NSG2: variants seen among roughly 807,000 people sequenced by gnomAD.
The protein encoded by NSG2 is neuronal vesicle trafficking associated 2.
Under a neutral mutation model 16.9 loss-of-function variants are expected in NSG2, and 4 were observed. The ratio of observed to expected loss-of-function variants is 0.24; its 90% CI spans 0.12 to 0.54. NSG2 has a LOEUF of 0.54. Ranked by LOEUF, NSG2 falls within the 20% of genes least tolerant of loss-of-function variation. NSG2 has a pLI of 0.95. For synonymous variants in NSG2, 98 were observed against 88.7 expected, an observed-to-expected ratio of 1.11 and a Z score of -0.59; for missense variants, 179 against 221.1, an observed-to-expected ratio of 0.81 and a Z score of 1.21.
intron 3 of NSG2, among the ~76,000 whole-genome samples, chr5:174,096,690 T>A (rs1760798738): frequency 6.6e-6 from 1 of 150,966 alleles, no homozygotes; most frequent in African/African-American, 2.4e-5. Flanking sequence ...GAGGTGATGG[T>A]GGTCTGGCCA....
In NSG2 at chr5:174,108,758, G is replaced by C. The variant is rs1445778807; in HGVS notation, c.*1253G>C. ...TGTTTCAGGGAGGCCAGTTCTGCAG[G>C]GTGTCAGCTCCAGGACCCACAGGGC... On this transcript the variant is annotated 3_prime_UTR_variant, in exon 5 of 5. Coordinates refer to ENST00000303177, the MANE Select transcript of NSG2 (RefSeq NM_015980.5). 2 of 152,522 alleles carry C rather than the reference G, an allele frequency of 1.3e-5. No homozygotes were observed. The highest frequency in any genetic ancestry group is 4.8e-5 in the African/African-American group (2 of 41,454). The allele number at this position is 152,522 out of a possible 1,614,324, so 9.4% of individuals were successfully genotyped here. A position where few individuals can be genotyped will look rare whatever the true frequency, so the allele number is the denominator to read the frequency against.
In NSG2 at chr5:174,072,203, C is replaced by T. The variant is rs970612669; in HGVS notation, c.213+7888C>T. Among the ~76,000 whole-genome samples, 4 of 152,194 alleles carry T rather than the reference C, an allele frequency of 2.6e-5. No individual in the cohort carries two copies. Among genetic ancestry groups the T allele is most frequent in the African/African-American group, 7.2e-5 (3 of 41,454 alleles). Reference sequence around the variant, plus strand: ...CCCAGCCCTCTCCCTGATCCCTGGCCCCTTTCCTCAGCAGCCCCAGTCCTT... The same window carrying T: ...CCCAGCCCTCTCCCTGATCCCTGGCTCCTTTCCTCAGCAGCCCCAGTCCTT... On this transcript the variant is annotated intron_variant, in intron 3 of 4. Transcript: ENST00000303177. The surrounding 1 kb of genome is among the most constrained non-coding windows in gnomAD (Gnocchi z 4.0).
At chr5:174,068,004 A>C (rs997040856) in intron 3 of NSG2, among the ~76,000 whole-genome samples, 1 of 152,152 alleles carries the variant, frequency 6.6e-6, no homozygotes, top group African/African-American at 2.4e-5. Flanking sequence ...TTTGGAGCTC[A>C]GGATGGAGAT....
At position 174,103,130 on chromosome 5, in the gene NSG2, G is replaced by A. The variant is rs112032643; in HGVS notation, c.214-1098G>A. On this transcript the variant is annotated intron_variant, in intron 3 of 4. Coordinates refer to ENST00000303177, the MANE Select transcript of NSG2 (RefSeq NM_015980.5). ...TTTTACAAAGCTCTCTCTGGTTGCT[G>A]TGTGCTGAATACACCCTAGAGGACA... is the stretch of plus-strand genomic sequence containing the variant. 7.5e-3 allele frequency among the ~76,000 whole-genome samples: 1,142 copies of A among 151,934 alleles called. 12 individuals carry two copies. Among genetic ancestry groups the A allele is most frequent in the African/African-American group, 0.026 (1,081 of 41,400 alleles).
chr5:174,050,582 G>A (rs1463554218), intron 2 of NSG2, among the ~76,000 whole-genome samples: 1 of 152,150 alleles, frequency 6.6e-6, no homozygotes, highest in Admixed American at 6.5e-5. Flanking sequence ...TGTACTTGAT[G>A]TTCCAACTTT....
At chr5:174,097,515 G>T (rs1234227199) in intron 3 of NSG2, among the ~76,000 whole-genome samples, 1 of 151,138 alleles carries the variant, frequency 6.6e-6, no homozygotes, top group East Asian at 2.0e-4. Flanking sequence ...CAGTGTGTGT[G>T]TCTCTGTATG....
At chr5:174,100,685 T>C (rs536391851) in intron 3 of NSG2, among the ~76,000 whole-genome samples, 18 of 152,336 alleles carry the variant, frequency 1.2e-4, no homozygotes, top group African/African-American at 4.3e-4. Flanking sequence ...CTAGCCCTGG[T>C]GGTGCTTTGG....
chr5:174,102,788 T>C (rs1163763219), intron 3 of NSG2, among the ~76,000 whole-genome samples: 17 of 150,304 alleles, frequency 1.1e-4, no homozygotes, highest in Admixed American at 1.1e-3. Flanking sequence ...ATTTATTTAT[T>C]TATTTATTTA....
At chr5:174,092,435 C>T (rs1047006231) in intron 3 of NSG2, among the ~76,000 whole-genome samples, 21 of 152,174 alleles carry the variant, frequency 1.4e-4, no homozygotes, top group Admixed American at 1.2e-3. Context: ...GGCCCTTGGG[C>T]CCTGGGGAAG....
At chr5:174,106,835 TGCCTGCCTCA>T (rs1760991215) in intron 4 of NSG2, among the ~76,000 whole-genome samples, 1 of 152,076 alleles carries the variant, frequency 6.6e-6, no homozygotes, top group Non-Finnish European at 1.5e-5. Context: ...CCTCATGATC[TGCCTGCCTCA>T]GCCTCCCAAA....
rs145640254 is a variant in NSG2 at position 174,064,052 on chromosome 5, T to C, written c.130-180T>C. Reference sequence around the variant, plus strand: ...TAATCAAAGTTGTTACCTAGGGTTGTCTCTGTTGGAATGGGGAAGTATTAT... The same window carrying C: ...TAATCAAAGTTGTTACCTAGGGTTGCCTCTGTTGGAATGGGGAAGTATTAT... On this transcript the variant is annotated intron_variant, in intron 2 of 4. Transcript: ENST00000303177. Among the ~76,000 whole-genome samples, 98 of 152,352 alleles carry C rather than the reference T, an allele frequency of 6.4e-4. No individual in the cohort carries two copies. The East Asian group carries it at 0.018, about 27-fold the overall frequency.
At chr5:174,087,437 C>G (rs1445197214) in intron 3 of NSG2, among the ~76,000 whole-genome samples, 4 of 152,008 alleles carry the variant, frequency 2.6e-5, no homozygotes, top group Non-Finnish European at 5.9e-5. Context: ...ATGTATAAAA[C>G]AGGAAAAATG....
chr5:174,069,625 TC>T (rs1360643245), intron 3 of NSG2, among the ~76,000 whole-genome samples: 1 of 152,198 alleles, frequency 6.6e-6, no homozygotes, highest in Non-Finnish European at 1.5e-5. Context: ...ATTATCATTT[TC>T]TTTCTTTCCT....
intron 3 of NSG2, among the ~76,000 whole-genome samples, chr5:174,090,743 T>A (rs1561673189): frequency 6.6e-6 from 1 of 152,122 alleles, no homozygotes; most frequent in East Asian, 1.9e-4. Flanking sequence ...AGAGATTCCT[T>A]CCTCCTCATG....
chr5:174,047,306 A>G (rs973582260), intron 2 of NSG2, among the ~76,000 whole-genome samples: 4 of 152,230 alleles, frequency 2.6e-5, no homozygotes, highest in Non-Finnish European at 5.9e-5. Flanking sequence ...CTGTCCCTAT[A>G]CTAGGAGTTG....
chr5:174,053,783 C>CA (rs915812655), intron 2 of NSG2, among the ~76,000 whole-genome samples: 6 of 152,032 alleles, frequency 3.9e-5, no homozygotes, highest in South Asian at 2.1e-4. Context: ...CAAATTGGCA[C>CA]AAAAAAATGG....
In NSG2 at chr5:174,046,833, T is replaced by C. The variant is rs1759807904; in HGVS notation, c.78T>C (p.Pro26=). 2 of 1,613,972 alleles carry C rather than the reference T, an allele frequency of 1.2e-6. No individual in the cohort carries two copies. The highest frequency in any genetic ancestry group is 2.2e-5 in the South Asian group (2 of 91,086). Reference sequence around the variant, plus strand: ...TTGAGGATGGCTTCCAGACCGTCCCTCTCATCACTCCCTTGGAGGTTAATC... The same window carrying C: ...TTGAGGATGGCTTCCAGACCGTCCCCCTCATCACTCCCTTGGAGGTTAATC... The part of the protein sequence containing the change: ...PSVEDGFQTV[P]LITPLEVNHL... Residue 26 remains proline (P), a synonymous_variant, in exon 2 of 5, where the codon CCT becomes CCC. Coordinates refer to ENST00000303177, the MANE Select transcript of NSG2 (RefSeq NM_015980.5).
chr5:174,063,614 A>G (rs529102097), intron 2 of NSG2, among the ~76,000 whole-genome samples: 2 of 151,310 alleles, frequency 1.3e-5, no homozygotes, highest in East Asian at 3.9e-4. Context: ...TACATGGTAT[A>G]TATATTTTTG....
At chr5:174,046,695 C>T (rs1759805063) in intron 1 of NSG2, 39 bp from the exon 2 acceptor site, 3 of 1,603,754 alleles carry the variant, frequency 1.9e-6, no homozygotes, top group Non-Finnish European at 1.7e-6. Flanking sequence ...CTTTCTGCCT[C>T]ACCTCCTGCT....
Sources: allele counts gnomAD v4.1 joint callset (sites outside exome capture counted in the v4.1 genomes callset), GRCh38; gene constraint gnomAD v4.1.1; non-coding constraint Gnocchi (gnomAD v3.1); transcripts MANE v1.5; gene names NCBI Gene and HGNC (gene_info 2026-07-23, HGNC 2026-07-21).